TNFRSF10B: variants seen among roughly 807,000 people sequenced by gnomAD.
TNFRSF10B encodes the protein tumor necrosis factor receptor superfamily member 10B.
TNFRSF10B carries 35 observed loss-of-function variants against 41.4 expected under a neutral mutation model. That is an observed-to-expected ratio of 0.85 (90% CI 0.65 to 1.12). The LOEUF (loss-of-function observed/expected upper bound fraction) is 1.12. Ranked by LOEUF, TNFRSF10B falls within the 50% of genes most tolerant of loss-of-function variation. TNFRSF10B has a pLI of 0.00. For missense variants in TNFRSF10B, 584 were observed against 552.7 expected (o/e 1.06, Z -0.57); for synonymous variants, 230 against 215.5 (o/e 1.07, Z -0.59).
chr8:23,023,028 A>G (rs1017549825), intron 8 of TNFRSF10B, 44 bp from the exon 9 acceptor site: 2 of 1,598,384 alleles, frequency 1.3e-6, no homozygotes, highest in Non-Finnish European at 1.7e-6. Flanking sequence ...GTTGGGACTC[A>G]GAAAGGGCAG....
At chr8:23,040,408 C>A (rs1395553992) in intron 2 of TNFRSF10B, among the ~76,000 whole-genome samples, 9 of 64,146 alleles carry the variant, frequency 1.4e-4, no homozygotes, top group Admixed American at 2.0e-4. Context: ...AATATATATA[C>A]AAAATATATA....
chr8:23,053,710 A>C (rs1585223678), intron 1 of TNFRSF10B, among the ~76,000 whole-genome samples: 1 of 152,330 alleles, frequency 6.6e-6, no homozygotes, highest in East Asian at 1.9e-4. Context: ...CAAACATTAA[A>C]ATTGGGTAAA....
intron 1 of TNFRSF10B, among the ~76,000 whole-genome samples, chr8:23,062,231 C>G (rs538749667): frequency 6.6e-6 from 1 of 151,618 alleles, no homozygotes; most frequent in East Asian, 1.9e-4. Flanking sequence ...CTTTTTCTTT[C>G]TTTCTTTGAG....
chr8:23,028,704 G>C, intron 4 of TNFRSF10B, 102 bp from the exon 5 acceptor site: 1 of 1,423,430 alleles, frequency 7.0e-7, no homozygotes, highest in Non-Finnish European at 9.8e-7. Flanking sequence ...CTGAGAAGGT[G>C]TCAGGGGAAG....
intron 2 of TNFRSF10B, among the ~76,000 whole-genome samples, chr8:23,033,199 CTAG>C (rs963100941): frequency 3.5e-4 from 53 of 152,146 alleles, no homozygotes; most frequent in African/African-American, 1.1e-3. Context: ...GAGCACATTA[CTAG>C]TAGATCTGCC....
chr8:23,058,507 T>C (rs764384824), intron 1 of TNFRSF10B, among the ~76,000 whole-genome samples: 7 of 150,856 alleles, frequency 4.6e-5, no homozygotes, highest in African/African-American at 7.3e-5. Context: ...TTTTTTCAGA[T>C]GGATTTTCAC....
In TNFRSF10B at chr8:23,046,164, T is replaced by C. The variant is rs148671321; in HGVS notation, c.145-2921A>G. On this transcript the variant is annotated intron_variant, in intron 1 of 8. Transcript: ENST00000276431. ...AGAAGTAAAATTGTCTATTTGCCGATGACATGATCTTCTGTATAGAAAACC... is the reference window on the plus strand; with the variant it reads ...AGAAGTAAAATTGTCTATTTGCCGACGACATGATCTTCTGTATAGAAAACC... 4.4e-3 allele frequency among the ~76,000 whole-genome samples: 665 copies of C among 152,298 alleles called. 12 individuals carry two copies. Among genetic ancestry groups the C allele is most frequent in the Admixed American group, 0.038 (577 of 15,298 alleles).
At chr8:23,063,642 G>C (rs961679633) in intron 1 of TNFRSF10B, among the ~76,000 whole-genome samples, 3 of 152,044 alleles carry the variant, frequency 2.0e-5, no homozygotes, top group African/African-American at 7.3e-5. Context: ...CCTCAGATCT[G>C]CCTCAGCTGC....
chr8:23,031,510 C>G (rs1811883358), intron 2 of TNFRSF10B, among the ~76,000 whole-genome samples: 1 of 152,034 alleles, frequency 6.6e-6, no homozygotes, highest in East Asian at 1.9e-4. Context: ...CCCCCCGACC[C>G]ACAAATAGCT....
intron 1 of TNFRSF10B, among the ~76,000 whole-genome samples, chr8:23,045,734 T>G (rs527986499): frequency 6.6e-6 from 1 of 152,266 alleles, no homozygotes; most frequent in African/African-American, 2.4e-5. Flanking sequence ...AAAGAATCAT[T>G]GACCATGATA....
intron 7 of TNFRSF10B, 86 bp downstream of exon 7, chr8:23,027,047 G>A (rs1330957445): frequency 5.0e-6 from 8 of 1,600,348 alleles, no homozygotes; most frequent in Non-Finnish European, 6.8e-6. Flanking sequence ...TGGGCCAGGA[G>A]AGCTAAGGCA....
chr8:23,067,195 C>T (rs1367056188), intron 1 of TNFRSF10B, among the ~76,000 whole-genome samples: 2 of 152,036 alleles, frequency 1.3e-5, no homozygotes, highest in African/African-American at 4.8e-5. Context: ...TCAGGCTGGT[C>T]TCGAATCCCT....
chr8:23,068,678 TC>T (rs1177100172), intron 1 of TNFRSF10B, 72 bp downstream of exon 1: 2 of 1,524,348 alleles, frequency 1.3e-6, no homozygotes, highest in African/African-American at 1.4e-5. Flanking sequence ...CCCCGCCGTG[TC>T]CCCCTCTCTC....
At chr8:23,060,484 A>G (rs1327536035) in intron 1 of TNFRSF10B, among the ~76,000 whole-genome samples, 3 of 152,134 alleles carry the variant, frequency 2.0e-5, no homozygotes, top group Admixed American at 1.3e-4. Flanking sequence ...CCTCTATTCT[A>G]TTCCACTGAT....
chr8:23,027,056 C>T (rs1171442611), intron 7 of TNFRSF10B, 77 bp downstream of exon 7: 33 of 1,603,694 alleles, frequency 2.1e-5, no homozygotes, highest in Non-Finnish European at 2.7e-5. Flanking sequence ...AGAGCTAAGG[C>T]ACTGCCCTCT....
chr8:23,034,004 G>A (rs7825044), intron 2 of TNFRSF10B, among the ~76,000 whole-genome samples: 130,368 of 152,154 alleles, frequency 0.86, 56,250 homozygotes, highest in East Asian at 0.95. Flanking sequence ...AATTCAGTCT[G>A]TAGCACAGTA....
chr8:23,028,268 G>A lies in TNFRSF10B; in HGVS notation c.748+63C>T, dbSNP rs1016647522. On this transcript the variant is annotated intron_variant, in intron 5 of 8. Transcript: ENST00000276431. The stretch of plus-strand genomic sequence containing the variant: ...CAGGGGCAGGCGTTTCTGTCTGTGG[G>A]AATAGGGTGGGAGGGGGCAGGGCAG... 3 of 1,608,204 alleles carry A rather than the reference G, an allele frequency of 1.9e-6. No homozygotes were observed. The African/African-American group carries it at 4.0e-5, about 22-fold the overall frequency.
intron 1 of TNFRSF10B, among the ~76,000 whole-genome samples, chr8:23,065,281 C>T (rs1410640660): frequency 1.3e-5 from 2 of 152,192 alleles, no homozygotes; most frequent in Non-Finnish European, 2.9e-5. Flanking sequence ...CAGCTCACTG[C>T]GTAAGGACAG....
At position 23,020,991 on chromosome 8, in the gene TNFRSF10B, C is replaced by T. The variant is rs1330817682; in HGVS notation, c.*1680G>A. On this transcript the variant is annotated 3_prime_UTR_variant, in exon 9 of 9. Transcript: ENST00000276431. ...CCCCACTCCTAAAACTCCACAGACA[C>T]AACAGTCTGAATGTGTGATCTTCAG... 4.4e-6 allele frequency: 2 copies of T among 454,118 alleles called. No homozygotes were observed. Among genetic ancestry groups the T allele is most frequent in the Admixed American group, 2.3e-5 (1 of 42,580 alleles). The allele number at this position is 454,118 out of a possible 1,614,324, so 28.1% of individuals were successfully genotyped here.
Sources: gnomAD v4.1 joint callset for allele counts (sites outside exome capture counted in the v4.1 genomes callset) on GRCh38, gnomAD v4.1.1 for gene constraint, MANE v1.5 for transcripts, NCBI Gene and HGNC (gene_info 2026-07-23, HGNC 2026-07-21) for gene names.